SMG9: variants seen among roughly 807,000 people sequenced by gnomAD.
SMG9 encodes SMG9 nonsense mediated mRNA decay factor.
A neutral mutation model predicts 64.0 loss-of-function variants in SMG9; 55 were observed. That is an observed-to-expected ratio of 0.86 (90% CI 0.69 to 1.08). The LOEUF is 1.08. Ranked by LOEUF, SMG9 falls within the 50% of genes least tolerant of loss-of-function variation. SMG9 has a pLI of 0.00. For synonymous variants in SMG9, 244 were observed against 254.8 expected (o/e 0.96, Z 0.41); for missense variants, 554 against 681.3 (o/e 0.81, Z 2.08).
Position 43,732,997 on chromosome 19 carries a change from C to T in SMG9, c.1345G>A (p.Gly449Ser), listed in dbSNP as rs149951189. 2 of 1,609,662 alleles carry T rather than the reference C, an allele frequency of 1.2e-6. No homozygotes were observed. Among genetic ancestry groups the T allele is most frequent in the Non-Finnish European group, 1.7e-6 (2 of 1,177,852 alleles). Residue 449 changes from glycine (G) to serine (S), a missense_variant, in exon 13 of 14, where the codon GGT (glycine) becomes AGT (serine). Coordinates refer to ENST00000270066, the MANE Select transcript of SMG9 (RefSeq NM_019108.4). ...ESENPPRAGP[G>S]SSPLFSLLPG... ...AGCAGGGAGAAGAGTGGGCTGGAAC[C>T]AGGTCCTGGAAAGTTGGGGCAGGGA...
rs771319669 is a variant in SMG9, at chr19:43,750,659, G to T, written c.83C>A (p.Pro28His). The T allele has an allele frequency of 6.2e-7, 1 of 1,613,994 alleles. No individual in the cohort carries two copies. The highest frequency in any genetic ancestry group is 8.5e-7 in the Non-Finnish European group (1 of 1,179,994). Residue 28 changes from proline to histidine, a missense_variant, in exon 2 of 14, where the codon CCC becomes CAC. Physicochemically the swap from Pro to His is moderately conservative, Grantham distance 77 (BLOSUM62 -2). Transcript: ENST00000270066. ...ACCACCAGGCCCAGAGAGATTCTGG[G>T]GGCCACCAGAGCCAGGCTCCTTCCA... Reference protein sequence around the residue: ...RRWKEPGSGGPQNLSGPGGRE... With the variant: ...RRWKEPGSGGHQNLSGPGGRE...
At chr19:43,749,286 A>G (rs1251696862) in intron 2 of SMG9, among the ~76,000 whole-genome samples, 1 of 152,176 alleles carries the variant, frequency 6.6e-6, no homozygotes, top group South Asian at 2.1e-4. Context: ...ATAAGGCCCA[A>G]TGGGCTGTCA....
intron 1 of SMG9, among the ~76,000 whole-genome samples, chr19:43,752,664 G>A (rs998083821): frequency 6.6e-6 from 1 of 152,116 alleles, no homozygotes; most frequent in African/African-American, 2.4e-5. Flanking sequence ...TTGGGAGGCC[G>A]AGACAGGAGG....
At position 43,733,692 on chromosome 19, in the gene SMG9, G is replaced by A. The variant is rs368089847; in HGVS notation, c.1144C>T (p.Arg382Trp). Reference protein sequence around the residue: ...NKARREDFCPRKLRQMHLMID... With the variant: ...NKARREDFCPWKLRQMHLMID... ...ATCAGGTGCATCTGCCGCAGCTTCC[G>A]AGGACAGAAGTCCTCTCGGCGAGCT... Residue 382 changes from arginine to tryptophan, a missense_variant, in exon 11 of 14, where the codon CGG becomes TGG. Physicochemically the swap from Arg to Trp is moderately radical, Grantham distance 101 (BLOSUM62 -3). Transcript: ENST00000270066. 91 of 1,614,030 alleles carry A rather than the reference G, an allele frequency of 5.6e-5. No individual in the cohort carries two copies. Among genetic ancestry groups the A allele is most frequent in the Non-Finnish European group, 7.0e-5 (83 of 1,180,036 alleles).
Position 43,731,398 on chromosome 19 carries a change from A to G in SMG9, c.*198T>C. 7.2e-7 allele frequency: 1 copy of G among 1,392,056 alleles called. No homozygotes were observed. Among genetic ancestry groups the G allele is most frequent in the Non-Finnish European group, 9.3e-7 (1 of 1,072,386 alleles). 86.2% of individuals were successfully genotyped at this position (1,392,056 alleles called of 1,614,324 possible). A position where few individuals can be genotyped will look rare whatever the true frequency, so the allele number is the denominator to read the frequency against. On this transcript the variant is annotated 3_prime_UTR_variant, in exon 14 of 14. Coordinates refer to ENST00000270066, the MANE Select transcript of SMG9 (RefSeq NM_019108.4). ...TCAGGTTTGGGGTGGGATCGCTCAC[A>G]GTCACCCCCGGAACAGCCCCAACTG...
chr19:43,738,252 T>A, intron 7 of SMG9, 35 bp from the exon 8 acceptor site: 1 of 1,590,680 alleles, frequency 6.3e-7, no homozygotes, highest in African/African-American at 1.3e-5. Flanking sequence ...GTCACTCAGA[T>A]ACCCAAGTTT....
intron 13 of SMG9, 142 bp downstream of exon 13, chr19:43,732,716 G>A (rs1247072655): frequency 1.1e-6 from 1 of 946,670 alleles, no homozygotes; most frequent in Non-Finnish European, 1.6e-6. Flanking sequence ...CAAGACAGTA[G>A]CAATCATCAC....
rs1156771488 is a variant in SMG9, at chr19:43,730,094, T to C, written c.*1502A>G. The C allele has an allele frequency of 6.6e-6, 1 of 151,928 alleles. No homozygotes were observed. The highest frequency in any genetic ancestry group is 2.4e-5 in the African/African-American group (1 of 41,300). 9.4% of individuals were successfully genotyped at this position (151,928 alleles called of 1,614,324 possible). A position where few individuals can be genotyped will look rare whatever the true frequency, so the allele number is the denominator to read the frequency against. On this transcript the variant is annotated 3_prime_UTR_variant, in exon 14 of 14. Transcript: ENST00000270066. Reference sequence around the variant, plus strand: ...CTCACAAGGCCCTGGATCCCCATGGTATGAAACACCAGGGCTGTATGGGAT... The same window carrying C: ...CTCACAAGGCCCTGGATCCCCATGGCATGAAACACCAGGGCTGTATGGGAT...
At position 43,736,219 on chromosome 19, in the gene SMG9, T is replaced by C. The variant is rs557456849; in HGVS notation, c.995+1378A>G. On this transcript the variant is annotated intron_variant, in intron 9 of 13. Transcript: ENST00000270066. Reference sequence around the variant, plus strand: ...ACTAAGCTGAATGCTTTAAATTCCTTAACTCACTGAATCTACACAACATAA... The same window carrying C: ...ACTAAGCTGAATGCTTTAAATTCCTCAACTCACTGAATCTACACAACATAA... Among the ~76,000 whole-genome samples the C allele has an allele frequency of 3.9e-5, 6 of 152,088 alleles. No individual in the cohort carries two copies. In the South Asian group the frequency reaches 1.2e-3, roughly 32 times the overall value.
At position 43,729,585 on chromosome 19, in the gene SMG9, GTCT is replaced by G. The variant is rs1013127519; in HGVS notation, c.*2008_*2010del. On this transcript the variant is annotated 3_prime_UTR_variant, in exon 14 of 14. Coordinates refer to ENST00000270066, the MANE Select transcript of SMG9 (RefSeq NM_019108.4). ...GCTGTCTGGTGCCGTCTTGCCTTGG[GTCT>G]CCCATCTTTCTCTGGCCGTTGCCCC... is the stretch of plus-strand genomic sequence containing the variant. 2.6e-5 allele frequency: 4 copies of G among 152,382 alleles called. No individual in the cohort carries two copies. The highest frequency in any genetic ancestry group is 9.7e-5 in the African/African-American group (4 of 41,450). The allele number at this position is 152,382 out of a possible 1,614,324, so 9.4% of individuals were successfully genotyped here.
chr19:43,753,458 CTTTTTTTTTTTT>C (rs745479932), intron 1 of SMG9, among the ~76,000 whole-genome samples: 1 of 118,622 alleles, frequency 8.4e-6, no homozygotes, highest in Non-Finnish European at 1.8e-5. Flanking sequence ...GAATGCTTTT[CTTTTTTTTTTTT>C]TTTTTTTTTT....
In SMG9 at chr19:43,728,926, C is replaced by G; in HGVS notation, c.*2670G>C. 1.1e-6 allele frequency: 1 copy of G among 939,578 alleles called. No individual in the cohort carries two copies. Among genetic ancestry groups the G allele is most frequent in the Non-Finnish European group, 1.3e-6 (1 of 788,096 alleles). The allele number at this position is 939,578 out of a possible 1,614,324, so 58.2% of individuals were successfully genotyped here. A position where few individuals can be genotyped will look rare whatever the true frequency, so the allele number is the denominator to read the frequency against. ...GATGAAGGGACTGGAGAGCCACAAG[C>G]AGCAGGCATTCCTGGTGGCCAGGCC... On this transcript the variant is annotated 3_prime_UTR_variant, in exon 14 of 14. Coordinates refer to ENST00000270066, the MANE Select transcript of SMG9 (RefSeq NM_019108.4).
At chr19:43,733,807 A>G in intron 10 of SMG9, 74 bp from the exon 11 acceptor site, 1 of 1,075,414 alleles carries the variant, frequency 9.3e-7, no homozygotes, top group Non-Finnish European at 1.4e-6. Flanking sequence ...CTCACCCCAA[A>G]GACCTGTTGT....
At position 43,731,527 on chromosome 19, in the gene SMG9, A is replaced by G; in HGVS notation, c.*69T>C. On this transcript the variant is annotated 3_prime_UTR_variant, in exon 14 of 14. Coordinates refer to ENST00000270066, the MANE Select transcript of SMG9 (RefSeq NM_019108.4). ...CGCTCTCCACCCCAGCGGGGGATGGACATCTGTGCTCCCTCGCAGTACACT... is the reference window on the plus strand; with the variant it reads ...CGCTCTCCACCCCAGCGGGGGATGGGCATCTGTGCTCCCTCGCAGTACACT... 4 of 1,599,706 alleles carry G rather than the reference A, an allele frequency of 2.5e-6. No individual in the cohort carries two copies. Among genetic ancestry groups the G allele is most frequent in the Non-Finnish European group, 3.4e-6 (4 of 1,170,686 alleles).
At chr19:43,738,257 A>G (rs772039831) in intron 7 of SMG9, 40 bp from the exon 8 acceptor site, 1 of 1,565,368 alleles carries the variant, frequency 6.4e-7, no homozygotes, top group East Asian at 2.2e-5. Flanking sequence ...TCAGATACCC[A>G]AGTTTCACAC....
In SMG9 at chr19:43,754,639, T is replaced by C. The variant is rs1230156658; in HGVS notation, c.-7+15A>G. The C allele has an allele frequency of 6.6e-6, 1 of 151,110 alleles. No homozygotes were observed. The highest frequency in any genetic ancestry group is 1.5e-5 in the Non-Finnish European group (1 of 67,782). The allele number at this position is 151,110 out of a possible 1,614,324, so 9.4% of individuals were successfully genotyped here. ...GCCGGTGCGCTAGCCTCGCGCGGGC[T>C]CGCGGCCCCCTTACCTAACGCGGCT... is the stretch of plus-strand genomic sequence containing the variant. On this transcript the variant is annotated intron_variant, in intron 1 of 13. Transcript: ENST00000270066.
At chr19:43,743,290 A>C (rs1968897895) in intron 6 of SMG9, among the ~76,000 whole-genome samples, 1 of 152,188 alleles carries the variant, frequency 6.6e-6, no homozygotes, top group African/African-American at 2.4e-5. Flanking sequence ...TAAGACCTGG[A>C]ACTATTCCAA....
chr19:43,749,959 C>T (rs28507486), intron 2 of SMG9, among the ~76,000 whole-genome samples: 4,376 of 152,290 alleles, frequency 0.029, 204 homozygotes, highest in African/African-American at 0.098. Context: ...TAGAATCTAC[C>T]TCATGGGGTA....
At position 43,750,585 on chromosome 19, in the gene SMG9, C is replaced by A. The variant is rs1969163908; in HGVS notation, c.150+7G>T. ...CATGAATGCTGCTCCTGGGTCCAGA[C>A]ACTCACCCTTCTCTCTCTTTCCCAT... On this transcript the variant is annotated splice_region_variant and intron_variant, in intron 2 of 13. Coordinates refer to ENST00000270066, the MANE Select transcript of SMG9 (RefSeq NM_019108.4). 3 of 1,607,720 alleles carry A rather than the reference C, an allele frequency of 1.9e-6. No homozygotes were observed. Among genetic ancestry groups the A allele is most frequent in the African/African-American group, 2.7e-5 (2 of 74,756 alleles).
Sources: gnomAD v4.1 joint callset for allele counts (sites outside exome capture counted in the v4.1 genomes callset) on GRCh38, gnomAD v4.1.1 for gene constraint, MANE v1.5 for transcripts, NCBI Gene and HGNC (gene_info 2026-07-23, HGNC 2026-07-21) for gene names.